The following C2orf76 variants were observed in gnomAD, a reference collection of about 807,000 sequenced individuals.
C2orf76 encodes the protein chromosome 2 open reading frame 76.
In C2orf76, 23 loss-of-function variants were observed where a neutral mutation model predicts 16.9. The observed-to-expected ratio is 1.36, with a 90% CI of 0.98 to 1.93. C2orf76 has a LOEUF of 1.93. Among genes scored for constraint, C2orf76 ranks in the 30% most tolerant of loss-of-function variants. C2orf76 has a pLI of 0.00. For synonymous variants in C2orf76, 48 were observed against 52.3 expected (o/e 0.92, Z 0.35); for missense variants, 152 against 152.6 (o/e 1.00, Z 0.02).
chr2:119,316,062 CCT>C (rs1679162670), intron 4 of C2orf76, among the ~76,000 whole-genome samples: 1 of 152,178 alleles, frequency 6.6e-6, no homozygotes, highest in South Asian at 2.1e-4. Flanking sequence ...TGCTTTACAA[CCT>C]TTTTGAAGAG....
the C2orf76 span, among the ~76,000 whole-genome samples, chr2:119,296,160 A>G: frequency 5.3e-5 from 8 of 152,216 alleles, no homozygotes; most frequent in Admixed American, 1.3e-4. Flanking sequence ...TGAAAGGTAC[A>G]GAGTGGCCAT....
Position 119,302,566 on chromosome 2 carries a change from A to G in C2orf76, c.305-18T>C. Reference sequence around the variant, plus strand: ...TTCACTGGCTGAAAAAAAACAGAAAATGGAAAAAAAGATTTTAATGTAAAT... The same window carrying G: ...TTCACTGGCTGAAAAAAAACAGAAAGTGGAAAAAAAGATTTTAATGTAAAT... On this transcript the variant is annotated intron_variant, in intron 5 of 5. Coordinates refer to ENST00000334816, the MANE Select transcript of C2orf76 (RefSeq NM_001322331.2). 1 of 1,467,124 alleles carries G rather than the reference A, an allele frequency of 6.8e-7. No homozygotes were observed. The highest frequency in any genetic ancestry group is 9.3e-7 in the Non-Finnish European group (1 of 1,080,206). The allele number at this position is 1,467,124 out of a possible 1,614,324, so 90.9% of individuals were successfully genotyped here. A position where few individuals can be genotyped will look rare whatever the true frequency, so the allele number is the denominator to read the frequency against.
chr2:119,350,606 CT>C (rs1215142455), intron 1 of C2orf76, among the ~76,000 whole-genome samples: 1 of 152,220 alleles, frequency 6.6e-6, no homozygotes, highest in African/African-American at 2.4e-5. Context: ...GCACCCTCCC[CT>C]CTGCAGCTGC....
intron 5 of C2orf76, among the ~76,000 whole-genome samples, chr2:119,308,799 C>T (rs1322970536): frequency 2.0e-5 from 3 of 152,218 alleles, no homozygotes; most frequent in Admixed American, 6.5e-5. Context: ...AACCTCACAG[C>T]TTGTCCCTGT....
chr2:119,305,199 A>C (rs1678739292), intron 5 of C2orf76, among the ~76,000 whole-genome samples: 1 of 152,186 alleles, frequency 6.6e-6, no homozygotes, highest in Admixed American at 6.5e-5. Flanking sequence ...TCCTTTTAAT[A>C]CTGATGTTCA....
intron 3 of C2orf76, among the ~76,000 whole-genome samples, chr2:119,320,777 T>C (rs1679317197): frequency 1.3e-5 from 2 of 152,320 alleles, no homozygotes; most frequent in African/African-American, 4.8e-5. Flanking sequence ...TCTAGCTTCT[T>C]ACCTTATTAC....
At position 119,356,765 on chromosome 2, in the gene C2orf76, A is replaced by G. The variant is rs576425319; in HGVS notation, c.-13+10025T>C. The stretch of plus-strand genomic sequence containing the variant: ...GAATCTTGAGCAAGACCAGCTAGGG[A>G]AAAAAAAAAGAAGGCACAAATAACC... On this transcript the variant is annotated intron_variant, in intron 1 of 5. Transcript: ENST00000334816. Among the ~76,000 whole-genome samples the G allele has an allele frequency of 1.0e-4, 15 of 149,286 alleles. No homozygotes were observed. In the South Asian group the frequency reaches 3.2e-3, roughly 32 times the overall value.
At chr2:119,317,424 G>A (rs761812815) in intron 4 of C2orf76, 42 bp downstream of exon 4, 2 of 1,441,342 alleles carry the variant, frequency 1.4e-6, no homozygotes, top group Non-Finnish European at 1.9e-6. Context: ...AACCAACATT[G>A]ATTACTTGCT....
At chr2:119,321,902 G>T (rs1317896307) in intron 2 of C2orf76, among the ~76,000 whole-genome samples, 2 of 151,780 alleles carry the variant, frequency 1.3e-5, no homozygotes, top group Non-Finnish European at 2.9e-5. Flanking sequence ...GAATCTGAGA[G>T]CCCCTTATGG....
chr2:119,306,552 T>C (rs564153104), intron 5 of C2orf76, among the ~76,000 whole-genome samples: 1 of 152,002 alleles, frequency 6.6e-6, no homozygotes, highest in Non-Finnish European at 1.5e-5. Flanking sequence ...ACAATTTCTC[T>C]CTTAAACCAG....
chr2:119,292,620 A>T, the C2orf76 span, among the ~76,000 whole-genome samples: 1 of 152,174 alleles, frequency 6.6e-6, no homozygotes, highest in Non-Finnish European at 1.5e-5. Context: ...CACTTTACAC[A>T]TCTGGATGAC....
At chr2:119,346,725 G>A (rs1313551569) in intron 1 of C2orf76, among the ~76,000 whole-genome samples, 1 of 152,112 alleles carries the variant, frequency 6.6e-6, no homozygotes, top group Non-Finnish European at 1.5e-5. Context: ...CTTGACTGTA[G>A]TGTTACCCAT....
chr2:119,285,693 A>G, the C2orf76 span, among the ~76,000 whole-genome samples: 1 of 152,240 alleles, frequency 6.6e-6, no homozygotes, highest in South Asian at 2.1e-4. Context: ...ATTTGGGCAG[A>G]GGCTGAGTTA....
chr2:119,348,994 AC>A (rs1341372955), intron 1 of C2orf76, among the ~76,000 whole-genome samples: 2 of 152,228 alleles, frequency 1.3e-5, no homozygotes, highest in Non-Finnish European at 2.9e-5. Context: ...TCTCAAAAAA[AC>A]AAAACAAAAC....
chr2:119,307,697 C>T (rs181882916), intron 5 of C2orf76, among the ~76,000 whole-genome samples: 28 of 152,234 alleles, frequency 1.8e-4, no homozygotes, highest in Admixed American at 1.8e-3. Context: ...GTCCTCACAA[C>T]ACCCTGAAAT....
At chr2:119,282,149 G>GAA in the C2orf76 span, among the ~76,000 whole-genome samples, 1 of 145,150 alleles carries the variant, frequency 6.9e-6, no homozygotes, top group Admixed American at 6.9e-5. Context: ...CCGTCTCAAA[G>GAA]AAAAAAAAAA....
At chr2:119,320,030 A>G (rs1317077967) in intron 3 of C2orf76, among the ~76,000 whole-genome samples, 3 of 152,250 alleles carry the variant, frequency 2.0e-5, no homozygotes, top group Non-Finnish European at 2.9e-5. Flanking sequence ...TCATCTGAAT[A>G]GTATAGAAAT....
At chr2:119,314,687 T>C (rs1679109252) in intron 4 of C2orf76, among the ~76,000 whole-genome samples, 2 of 152,252 alleles carry the variant, frequency 1.3e-5, no homozygotes, top group South Asian at 4.1e-4. Flanking sequence ...TGATTATTCT[T>C]ATTTTTTACA....
At chr2:119,315,906 T>A (rs4603773) in intron 4 of C2orf76, among the ~76,000 whole-genome samples, 26,074 of 152,162 alleles carry the variant, frequency 0.17, 2,673 homozygotes, top group Middle Eastern at 0.3. Context: ...TTAAATGTTA[T>A]AATACTGATA....
Sources: gnomAD v4.1 joint callset for allele counts (sites outside exome capture counted in the v4.1 genomes callset) on GRCh38, gnomAD v4.1.1 for gene constraint, MANE v1.5 for transcripts, NCBI Gene and HGNC (gene_info 2026-07-23, HGNC 2026-07-21) for gene names.